Variants in POLR2F observed in about 807,000 individuals in gnomAD.
POLR2F encodes the protein DNA-directed RNA polymerases I, II, and III subunit RPABC2.
Under a neutral mutation model 22.7 loss-of-function variants are expected in POLR2F, and 12 were observed. The ratio of observed to expected loss-of-function variants is 0.53; its 90% CI spans 0.34 to 0.86. The LOEUF is 0.86. Ranked by LOEUF, POLR2F falls within the 40% of genes least tolerant of loss-of-function variation. The pLI is 0.02. For synonymous variants in POLR2F, 57 were observed against 66.0 expected (o/e 0.86, Z 0.66); for missense variants, 126 against 171.5 (o/e 0.73, Z 1.48).
upstream of POLR2F, chr22:37,986,054 C>G: frequency 7.1e-7 from 1 of 1,417,116 alleles, no homozygotes; most frequent in Non-Finnish European, 9.2e-7. This position sits in a 1 kb window ranked among gnomAD's most constrained non-coding sequence, Gnocchi z 4.7. Flanking sequence ...TGCCCAGACT[C>G]TTGTTCGGGG....
At chr22:38,013,642 TAA>T (rs2084891209) in intron 1 of POLR2F, among the ~76,000 whole-genome samples, 1 of 152,224 alleles carries the variant, frequency 6.6e-6, no homozygotes, top group Admixed American at 6.5e-5. Context: ...CAGTATCTAG[TAA>T]AAACACCATT....
intron 1 of POLR2F, among the ~76,000 whole-genome samples, chr22:38,025,169 T>C (rs1397974733): frequency 6.6e-6 from 1 of 152,158 alleles, no homozygotes; most frequent in Non-Finnish European, 1.5e-5. Context: ...TTTCAGGGCT[T>C]AGCTCAGTCT....
rs1601907086 is a variant in POLR2F, at chr22:38,013,050, C to T, written c.121-12819C>T. Among the ~76,000 whole-genome samples, 5 of 152,264 alleles carry T rather than the reference C, an allele frequency of 3.3e-5. No homozygotes were observed. The Middle Eastern group carries it at 0.017, about 518-fold the overall frequency. ...TCCTGCCCCACAGAACTTATTCTAG[C>T]ACTCCCTCATTGCTTAGTTATGACT... On this transcript the variant is annotated intron_variant, in intron 1 of 2. Coordinates refer to the POLR2F transcript ENST00000333418.
At position 37,956,858 on chromosome 22, in the gene POLR2F, C is replaced by T. The variant is rs777825265; in HGVS notation, c.90+16C>T. On this transcript the variant is annotated intron_variant, in intron 2 of 4. Transcript: ENST00000442738. ...TGCCGAAGAGGTCAGTATTCAGCCT[C>T]AGGCTCCCACCTCTGCAGCCCAAGC... The T allele has an allele frequency of 2.5e-6, 4 of 1,598,798 alleles. No individual in the cohort carries two copies. Among genetic ancestry groups the T allele is most frequent in the Admixed American group, 3.3e-5 (2 of 60,018 alleles).
At chr22:38,015,472 C>T (rs1170056113) in intron 1 of POLR2F, among the ~76,000 whole-genome samples, 1 of 152,216 alleles carries the variant, frequency 6.6e-6, no homozygotes, top group African/African-American at 2.4e-5. Flanking sequence ...AGGCTGAGAC[C>T]TGTTTTGGGA....
chr22:38,005,394 G>T (rs1569178587), intron 1 of POLR2F, among the ~76,000 whole-genome samples: 1 of 152,242 alleles, frequency 6.6e-6, no homozygotes, highest in Non-Finnish European at 1.5e-5. Flanking sequence ...CAAAGGGTGG[G>T]ATTACAGGCA....
intron 1 of POLR2F, among the ~76,000 whole-genome samples, chr22:38,024,024 G>C (rs767880656): frequency 1.3e-5 from 2 of 151,840 alleles, no homozygotes; most frequent in Non-Finnish European, 2.9e-5. Flanking sequence ...TGTATTTTTA[G>C]TAGAGACGGG....
chr22:37,985,870 C>T (rs1932557755), upstream of POLR2F, among the ~76,000 whole-genome samples: 1 of 151,920 alleles, frequency 6.6e-6, no homozygotes. Context: ...CACACACAAC[C>T]AGCCAGACAA....
At chr22:38,021,584 G>A (rs1176017918) in intron 1 of POLR2F, among the ~76,000 whole-genome samples, 1 of 152,074 alleles carries the variant, frequency 6.6e-6, no homozygotes, top group Non-Finnish European at 1.5e-5. Flanking sequence ...AGCCTCTCAA[G>A]TAGCTGGGAT....
chr22:38,030,979 G>A (rs1196886766), downstream of POLR2F, among the ~76,000 whole-genome samples: 2 of 152,090 alleles, frequency 1.3e-5, no homozygotes, highest in Non-Finnish European at 2.9e-5. Flanking sequence ...ACGAGGGCTG[G>A]AAGAGCTGTG....
downstream of POLR2F, among the ~76,000 whole-genome samples, chr22:38,028,116 G>A (rs1432205687): frequency 6.6e-5 from 10 of 152,106 alleles, no homozygotes; most frequent in East Asian, 1.9e-4. Flanking sequence ...CCCACTGACC[G>A]CCCCTTTTGA....
At chr22:38,025,566 C>G in intron 1 of POLR2F, 1 of 1,492,282 alleles carries the variant, frequency 6.7e-7, no homozygotes, top group Non-Finnish European at 8.9e-7. Context: ...TCTCCCATCT[C>G]TCTCATTTCC....
At chr22:37,975,389 G>C (rs139887) in intron 4 of POLR2F, among the ~76,000 whole-genome samples, 90,090 of 151,996 alleles carry the variant, frequency 0.59, 26,962 homozygotes, top group East Asian at 0.75. Flanking sequence ...ATGTCTGAGT[G>C]GGGTGGGGCC....
chr22:37,965,757 C>G (rs1389542483), intron 3 of POLR2F, among the ~76,000 whole-genome samples: 1 of 152,184 alleles, frequency 6.6e-6, no homozygotes, highest in Non-Finnish European at 1.5e-5. Flanking sequence ...TTATCAGAAT[C>G]ATCTGGGCAG....
chr22:38,000,311 G>C (rs2084757681), intron 1 of POLR2F, among the ~76,000 whole-genome samples: 1 of 152,200 alleles, frequency 6.6e-6, no homozygotes, highest in Non-Finnish European at 1.5e-5. Context: ...AGAAAAGAGA[G>C]GGCCTTTCTG....
At chr22:38,014,517 AT>A (rs777065352) in intron 1 of POLR2F, among the ~76,000 whole-genome samples, 392 of 138,694 alleles carry the variant, frequency 2.8e-3, no homozygotes, top group Middle Eastern at 3.6e-3. Flanking sequence ...CGCCCGGCTA[AT>A]TTTTTTTTTT....
chr22:38,034,475 C>A (rs1177252346), intron 5 of POLR2F, among the ~76,000 whole-genome samples: 1 of 152,198 alleles, frequency 6.6e-6, no homozygotes, highest in African/African-American at 2.4e-5. Flanking sequence ...TAATGCAAAA[C>A]CAGCGACCTC....
downstream of POLR2F, chr22:37,973,761 C>T (rs758445473): frequency 8.1e-6 from 13 of 1,596,890 alleles, no homozygotes; most frequent in East Asian, 2.2e-5. Context: ...GAGGTGTAGG[C>T]GATCTGTGAG....
chr22:38,027,980 G>T (rs1279321889), downstream of POLR2F, among the ~76,000 whole-genome samples: 3 of 152,192 alleles, frequency 2.0e-5, no homozygotes, highest in Non-Finnish European at 2.9e-5. Context: ...CTATAGAGAG[G>T]TTAGGATTTT....
Sources: allele counts gnomAD v4.1 joint callset (sites outside exome capture counted in the v4.1 genomes callset), GRCh38; gene constraint gnomAD v4.1.1; non-coding constraint Gnocchi (gnomAD v3.1); transcripts MANE v1.5; gene names NCBI Gene and HGNC (gene_info 2026-07-23, HGNC 2026-07-21).